The following LHFPL3 variants were observed in gnomAD, a reference collection of about 807,000 sequenced individuals.
LHFPL3 encodes LHFPL tetraspan subfamily member 3.
A neutral mutation model predicts 19.3 loss-of-function variants in LHFPL3; 5 were observed. That is an observed-to-expected ratio of 0.26 (90% CI 0.14 to 0.54). The LOEUF is 0.54. Among genes scored for constraint, LHFPL3 ranks in the 20% least tolerant of loss-of-function variants. The probability of loss-of-function intolerance (pLI) is 0.94; values close to 1 mark genes in which losing one functional copy is unlikely to be tolerated. For missense variants in LHFPL3, 249 were observed against 307.4 expected (o/e 0.81, Z 1.42); for synonymous variants, 133 against 126.2 (o/e 1.05, Z -0.36).
intron 2 of LHFPL3, among the ~76,000 whole-genome samples, chr7:104,760,422 A>T (rs934694410): frequency 6.6e-6 from 1 of 152,196 alleles, no homozygotes; most frequent in Non-Finnish European, 1.5e-5. Flanking sequence ...TTATTGTAAT[A>T]GGGAAGCATT....
At chr7:104,435,302 C>G (rs906107803) in intron 1 of LHFPL3, among the ~76,000 whole-genome samples, 3 of 151,962 alleles carry the variant, frequency 2.0e-5, no homozygotes, top group Non-Finnish European at 4.4e-5. Flanking sequence ...GCCACTATGC[C>G]TGGCTAATTA....
At chr7:104,806,040 A>G (rs545484034) in intron 2 of LHFPL3, among the ~76,000 whole-genome samples, 36 of 152,212 alleles carry the variant, frequency 2.4e-4, no homozygotes, top group Non-Finnish European at 4.3e-4. Context: ...AGCCTGCTGC[A>G]GGCCGTGTTT....
intron 1 of LHFPL3, among the ~76,000 whole-genome samples, chr7:104,518,669 A>T (rs925747809): frequency 1.3e-5 from 2 of 152,152 alleles, no homozygotes; most frequent in African/African-American, 2.4e-5. Context: ...CTGCAATCTC[A>T]GCTATTCAGG....
chr7:104,414,292 A>G (rs1041592795), intron 1 of LHFPL3, among the ~76,000 whole-genome samples: 27 of 152,222 alleles, frequency 1.8e-4, no homozygotes, highest in Admixed American at 1.7e-3. Context: ...TTTAACAAAC[A>G]TACAGAGTTT....
At chr7:104,451,848 G>A (rs1198917901) in intron 1 of LHFPL3, among the ~76,000 whole-genome samples, 2 of 151,860 alleles carry the variant, frequency 1.3e-5, no homozygotes, top group East Asian at 1.9e-4. Context: ...GGGTTTAAGC[G>A]ATTCTTCTGG....
chr7:104,361,566 C>G (rs557121085), intron 1 of LHFPL3, among the ~76,000 whole-genome samples: 3 of 152,032 alleles, frequency 2.0e-5, no homozygotes, highest in Non-Finnish European at 2.9e-5. Context: ...TGTGAGCCAC[C>G]CTTGGGATTA....
At chr7:104,719,570 A>T (rs528532271) in intron 1 of LHFPL3, among the ~76,000 whole-genome samples, 32 of 152,336 alleles carry the variant, frequency 2.1e-4, no homozygotes, top group Admixed American at 7.8e-4. Flanking sequence ...ATGAAATTCT[A>T]ATTAGGTGAA....
At chr7:104,864,121 AG>A (rs1230417937) in intron 2 of LHFPL3, among the ~76,000 whole-genome samples, 1 of 152,216 alleles carries the variant, frequency 6.6e-6, no homozygotes, top group Non-Finnish European at 1.5e-5. Context: ...TCTGTGTAAA[AG>A]TTCTGTACAA....
intron 1 of LHFPL3, among the ~76,000 whole-genome samples, chr7:104,448,139 T>TTCTATTATCA (rs1393169167): frequency 2.0e-5 from 3 of 152,202 alleles, no homozygotes; most frequent in Non-Finnish European, 4.4e-5. Context: ...TGGATATAGC[T>TTCTATTATCA]TCTATTATCA....
intron 1 of LHFPL3, among the ~76,000 whole-genome samples, chr7:104,654,776 T>C (rs1792093219): frequency 6.6e-6 from 1 of 152,116 alleles, no homozygotes; most frequent in African/African-American, 2.4e-5. Flanking sequence ...TTTTTTTCTG[T>C]CTTTTTCAAT....
chr7:104,519,191 A>T (rs1369323234), intron 1 of LHFPL3, among the ~76,000 whole-genome samples: 1 of 152,112 alleles, frequency 6.6e-6, no homozygotes, highest in Non-Finnish European at 1.5e-5. Flanking sequence ...CCTGGAAATA[A>T]CAACATAAGC....
chr7:104,471,143 T>C (rs1364129709), intron 1 of LHFPL3, among the ~76,000 whole-genome samples: 1 of 152,242 alleles, frequency 6.6e-6, no homozygotes. Context: ...CAAACATTTC[T>C]TTCTATACGG....
At chr7:104,749,665 T>C (rs1289557172) in intron 2 of LHFPL3, among the ~76,000 whole-genome samples, 4 of 152,300 alleles carry the variant, frequency 2.6e-5, no homozygotes, top group East Asian at 1.9e-4. Context: ...ACATATGCCA[T>C]TTGCCTGATT....
intron 1 of LHFPL3, among the ~76,000 whole-genome samples, chr7:104,605,322 A>G (rs1232754481): frequency 6.6e-6 from 1 of 152,192 alleles, no homozygotes; most frequent in African/African-American, 2.4e-5. Context: ...TAGAAAAAAA[A>G]TGAAAAGTTT....
At chr7:104,815,919 G>T (rs996184178) in intron 2 of LHFPL3, among the ~76,000 whole-genome samples, 2 of 152,124 alleles carry the variant, frequency 1.3e-5, no homozygotes, top group African/African-American at 4.8e-5. Context: ...AAGAATGAGG[G>T]ATTCATGCAT....
At chr7:104,734,355 C>T (rs923336334) in intron 1 of LHFPL3, among the ~76,000 whole-genome samples, 9 of 152,238 alleles carry the variant, frequency 5.9e-5, no homozygotes, top group Non-Finnish European at 1.0e-4. Context: ...TTAAGCTACA[C>T]CAATCAGACA....
At chr7:104,493,894 T>G (rs1793407390) in intron 1 of LHFPL3, among the ~76,000 whole-genome samples, 1 of 152,150 alleles carries the variant, frequency 6.6e-6, no homozygotes. Flanking sequence ...GAAATATAAC[T>G]AGTCCCACTT....
At chr7:104,717,090 A>T (rs1310872629) in intron 1 of LHFPL3, among the ~76,000 whole-genome samples, 1 of 152,168 alleles carries the variant, frequency 6.6e-6, no homozygotes, top group Non-Finnish European at 1.5e-5. Flanking sequence ...TGTTGGGTAA[A>T]CCAGATATAT....
chr7:104,611,232 C>T (rs1791208013), intron 1 of LHFPL3, among the ~76,000 whole-genome samples: 1 of 152,148 alleles, frequency 6.6e-6, no homozygotes, highest in Non-Finnish European at 1.5e-5. Flanking sequence ...TTTATTTCAT[C>T]CTCACAGCAA....
Sources: gnomAD v4.1 joint callset for allele counts (sites outside exome capture counted in the v4.1 genomes callset) on GRCh38, gnomAD v4.1.1 for gene constraint, MANE v1.5 for transcripts, NCBI Gene and HGNC (gene_info 2026-07-23, HGNC 2026-07-21) for gene names.